The following ZNF529 variants were observed in gnomAD, a reference collection of about 807,000 sequenced individuals.
ZNF529 encodes the protein zinc finger protein 529.
Under a neutral mutation model 10.1 loss-of-function variants are expected in ZNF529, and 11 were observed. That is an observed-to-expected ratio of 1.09 (90% CI 0.69 to 1.81). ZNF529 has a LOEUF of 1.81. Ranked by LOEUF, ZNF529 falls within the 40% of genes most tolerant of loss-of-function variation. The pLI is 0.00. For synonymous variants in ZNF529, 204 were observed against 215.7 expected, an observed-to-expected ratio of 0.95 and a Z score of 0.47; for missense variants, 624 against 666.8, an observed-to-expected ratio of 0.94 and a Z score of 0.71.
chr19:36,563,407 A>G (rs994456348), intron 2 of ZNF529, among the ~76,000 whole-genome samples: 2 of 151,372 alleles, frequency 1.3e-5, no homozygotes, highest in African/African-American at 4.9e-5. Flanking sequence ...TGGGCAACAG[A>G]ATGAGATTGT....
At chr19:36,562,611 G>A (rs778570360) in intron 2 of ZNF529, among the ~76,000 whole-genome samples, 3 of 151,774 alleles carry the variant, frequency 2.0e-5, no homozygotes, top group East Asian at 1.9e-4. Context: ...CGAGGTGGGC[G>A]GATCACGAGG....
intron 2 of ZNF529, among the ~76,000 whole-genome samples, chr19:36,556,691 C>G (rs546603504): frequency 4.9e-4 from 75 of 152,304 alleles, no homozygotes; most frequent in African/African-American, 1.8e-3. Context: ...GGCTGCTGCC[C>G]CATCTGCCAT....
chr19:36,547,101 G>A lies in ZNF529; in HGVS notation c.1457C>T (p.Ala486Val). 1 of 1,613,454 alleles carries A rather than the reference G, an allele frequency of 6.2e-7. No homozygotes were observed. Among genetic ancestry groups the A allele is most frequent in the Non-Finnish European group, 8.5e-7 (1 of 1,179,864 alleles). The change falls in exon 5 of 5, where the codon GCC becomes GTC. Residue 486 changes from alanine (A) to valine (V), a missense_variant. Physicochemically the swap from Ala to Val is moderately conservative, Grantham distance 64 (BLOSUM62 0). Transcript: ENST00000591340. ...TGTAAGGGCTGAACTATGTCTAAAG[G>A]CCTTCCCACATACCTTACATTCATA... Reference protein sequence around the residue: ...KPYECKVCGKAFRHSSALTEH... With the variant: ...KPYECKVCGKVFRHSSALTEH...
At chr19:36,582,314 G>A (rs1171891316) in intron 2 of ZNF529, 2 of 152,102 alleles carry the variant, frequency 1.3e-5, no homozygotes, top group African/African-American at 2.4e-5. Context: ...TATGTTACAT[G>A]TATACTTTGC....
intron 2 of ZNF529, 124 bp from the exon 3 acceptor site, chr19:36,556,321 A>ACG (rs1568584317): frequency 2.3e-4 from 148 of 640,628 alleles, no homozygotes; most frequent in Non-Finnish European, 3.6e-4. Context: ...AAGAACTCTT[A>ACG]GAGTCTAGAC....
chr19:36,572,541 C>G (rs915581567), intron 1 of ZNF529, 149 bp from the exon 2 acceptor site: 38 of 634,824 alleles, frequency 6.0e-5, no homozygotes, highest in South Asian at 3.8e-4. Context: ...CTCCCCACAT[C>G]CGAGAAAAAG....
intron 1 of ZNF529, among the ~76,000 whole-genome samples, chr19:36,603,502 C>T (rs2036963211): frequency 6.6e-6 from 1 of 152,094 alleles, no homozygotes; most frequent in South Asian, 2.1e-4. Context: ...TTTCATAAAA[C>T]AAAGAAAAAA....
chr19:36,587,256 C>T (rs1483315598), intron 2 of ZNF529: 1 of 136,224 alleles, frequency 7.3e-6, no homozygotes, highest in African/African-American at 2.8e-5. Context: ...CAGAGCAAGA[C>T]TCCGTCTCAG....
intron 1 of ZNF529, among the ~76,000 whole-genome samples, chr19:36,595,023 C>T (rs982958226): frequency 6.6e-6 from 1 of 152,084 alleles, no homozygotes; most frequent in Non-Finnish European, 1.5e-5. Flanking sequence ...GGATTACAGG[C>T]ATGCACCACC....
At chr19:36,554,633 G>C (rs2035392764) in intron 4 of ZNF529, 37 bp downstream of exon 4, 1 of 1,491,720 alleles carries the variant, frequency 6.7e-7, no homozygotes, top group South Asian at 1.3e-5. Context: ...ATAGTCTAGA[G>C]AGTATATTCT....
chr19:36,577,156 C>T (rs917434998), upstream of ZNF529: 6 of 453,002 alleles, frequency 1.3e-5, no homozygotes, highest in African/African-American at 6.0e-5. Flanking sequence ...GACAAGGTTT[C>T]GCCACATTGA....
intron 2 of ZNF529, among the ~76,000 whole-genome samples, chr19:36,570,493 C>G (rs2036066060): frequency 1.3e-5 from 2 of 152,196 alleles, no homozygotes; most frequent in Non-Finnish European, 2.9e-5. Context: ...CACATTGTTG[C>G]TGGGAGAATT....
chr19:36,567,794 A>C (rs188505477), intron 2 of ZNF529, among the ~76,000 whole-genome samples: 1 of 152,330 alleles, frequency 6.6e-6, no homozygotes, highest in East Asian at 1.9e-4. Context: ...AAGCAGCAAA[A>C]GAAAATTTTG....
chr19:36,571,412 C>T (rs977296975), intron 2 of ZNF529, among the ~76,000 whole-genome samples: 3 of 152,120 alleles, frequency 2.0e-5, no homozygotes, highest in Admixed American at 6.5e-5. Context: ...CAGTGGCTCA[C>T]GCCTGTAATC....
intron 2 of ZNF529, among the ~76,000 whole-genome samples, chr19:36,562,969 C>T (rs1166826304): frequency 6.6e-6 from 1 of 152,190 alleles, no homozygotes; most frequent in Non-Finnish European, 1.5e-5. Context: ...TGAGGACACA[C>T]GTCCTTTCTG....
chr19:36,558,936 C>CAAA (rs60265238), intron 2 of ZNF529, among the ~76,000 whole-genome samples: 1 of 146,784 alleles, frequency 6.8e-6, no homozygotes, highest in African/African-American at 2.5e-5. Flanking sequence ...AACTCAATAG[C>CAAA]AAAAAAAAAA....
intron 2 of ZNF529, among the ~76,000 whole-genome samples, chr19:36,588,237 T>C (rs2036625113): frequency 6.6e-6 from 1 of 152,224 alleles, no homozygotes; most frequent in South Asian, 2.1e-4. Context: ...GAATTGTATA[T>C]GAATTATGGC....
intron 4 of ZNF529, among the ~76,000 whole-genome samples, chr19:36,553,923 CTA>C (rs1423993978): frequency 2.0e-5 from 3 of 152,164 alleles, no homozygotes; most frequent in Non-Finnish European, 2.9e-5. Flanking sequence ...TACTTTCAGT[CTA>C]TGTGTATAAA....
In ZNF529 at chr19:36,546,900, G is replaced by A. The variant is rs778914917; in HGVS notation, c.1658C>T (p.Pro553Leu). The stretch of plus-strand genomic sequence containing the variant: ...TGATTTCTCACCAGTGTAAATTTTC[G>A]GTTGGCAAGTAAGATGCCCAACAAC... The part of the protein sequence containing the change: ...FSVVGHLTCQ[P>L]KIYTGEKSFD Residue 553 changes from proline to leucine, a missense_variant, in exon 5 of 5, where the codon CCG becomes CTG. Physicochemically the swap from Pro to Leu is moderately conservative, Grantham distance 98. Coordinates refer to ENST00000591340, the MANE Select transcript of ZNF529 (RefSeq NM_020951.5). 9.3e-6 allele frequency: 15 copies of A among 1,605,492 alleles called. No individual in the cohort carries two copies. The highest frequency in any genetic ancestry group is 1.7e-4 in the Middle Eastern group (1 of 6,052).
Sources: allele counts gnomAD v4.1 joint callset (sites outside exome capture counted in the v4.1 genomes callset), GRCh38; gene constraint gnomAD v4.1.1; transcripts MANE v1.5; gene names NCBI Gene and HGNC (gene_info 2026-07-23, HGNC 2026-07-21).